The following NEDD4L variants were observed in gnomAD, a reference collection of about 807,000 sequenced individuals.
NEDD4L encodes NEDD4 like E3 ubiquitin protein ligase.
A neutral mutation model predicts 148.9 loss-of-function variants in NEDD4L; 54 were observed. The observed-to-expected ratio is 0.36, with a 90% CI of 0.29 to 0.45. The LOEUF is 0.45. NEDD4L is among the 20% of genes least tolerant of loss of function. The pLI is 1.00. For synonymous variants in NEDD4L, 433 were observed against 440.7 expected, an observed-to-expected ratio of 0.98 and a Z score of 0.22; for missense variants, 856 against 1,233.8, an observed-to-expected ratio of 0.69 and a Z score of 4.59.
Position 58,156,720 on chromosome 18 carries a change from G to A in NEDD4L, c.49-9068G>A, listed in dbSNP as rs544773769. Among the ~76,000 whole-genome samples, 6 of 152,206 alleles carry A rather than the reference G, an allele frequency of 3.9e-5. No homozygotes were observed. In the East Asian group the frequency reaches 5.8e-4, roughly 15 times the overall value. ...CCGTGTTTGACCTGGGTTAATGACC[G>A]CCAGTTCCTTTCCCTTAATACGACT... On this transcript the variant is annotated intron_variant, in intron 1 of 30. Coordinates refer to ENST00000400345, the MANE Select transcript of NEDD4L (RefSeq NM_001144967.3).
intron 1 of NEDD4L, among the ~76,000 whole-genome samples, chr18:58,150,447 A>C (rs1005607360): frequency 6.6e-6 from 1 of 152,162 alleles, no homozygotes; most frequent in African/African-American, 2.4e-5. Context: ...GCTGGTCTCG[A>C]GCTCCCGACC....
At chr18:58,054,295 G>A (rs1309800668) in intron 1 of NEDD4L, among the ~76,000 whole-genome samples, 1 of 152,218 alleles carries the variant, frequency 6.6e-6, no homozygotes, top group Non-Finnish European at 1.5e-5. Flanking sequence ...ATGGGACTTT[G>A]TGGAGAATCT....
intron 1 of NEDD4L, among the ~76,000 whole-genome samples, chr18:58,103,667 A>G (rs2084904160): frequency 6.6e-6 from 1 of 152,218 alleles, no homozygotes; most frequent in African/African-American, 2.4e-5. Context: ...ATCGAGAGGG[A>G]ATTGGTGAAC....
At chr18:58,308,769 T>G (rs1263625253) in intron 5 of NEDD4L, among the ~76,000 whole-genome samples, 1 of 152,218 alleles carries the variant, frequency 6.6e-6, no homozygotes, top group African/African-American at 2.4e-5. Flanking sequence ...CCTCCACTTT[T>G]GCTTTGTGTC....
intron 24 of NEDD4L, among the ~76,000 whole-genome samples, chr18:58,381,482 T>A (rs960193224): frequency 1.3e-5 from 2 of 151,816 alleles, no homozygotes; most frequent in African/African-American, 2.4e-5. Flanking sequence ...CTGGAAGGAG[T>A]GTATTACAGG....
chr18:58,332,792 G>A (rs958913195), intron 11 of NEDD4L, among the ~76,000 whole-genome samples: 5 of 152,166 alleles, frequency 3.3e-5, no homozygotes, highest in East Asian at 1.9e-4. Context: ...TGAACTTGCC[G>A]ATAAGGAGAC....
intron 5 of NEDD4L, among the ~76,000 whole-genome samples, chr18:58,270,837 G>C (rs188113333): frequency 6.6e-6 from 1 of 152,024 alleles, no homozygotes; most frequent in Admixed American, 6.5e-5. Flanking sequence ...AAGCTCACTA[G>C]CATTGTTTAT....
chr18:58,379,125 G>A (rs1431919576), intron 24 of NEDD4L, among the ~76,000 whole-genome samples: 1 of 152,234 alleles, frequency 6.6e-6, no homozygotes, highest in Non-Finnish European at 1.5e-5. Context: ...TGTGCGTTTC[G>A]TGGCTGAAGG....
chr18:58,186,752 C>T (rs566926354), intron 2 of NEDD4L, among the ~76,000 whole-genome samples: 1 of 152,332 alleles, frequency 6.6e-6, no homozygotes, highest in Non-Finnish European at 1.5e-5. Context: ...TTCCGGTATG[C>T]TTGCATAGAC....
chr18:58,164,035 C>CTT (rs34380629), intron 1 of NEDD4L, among the ~76,000 whole-genome samples: 72 of 142,336 alleles, frequency 5.1e-4, no homozygotes, highest in African/African-American at 1.2e-3. Context: ...CATCCTGAGC[C>CTT]TTTTTTTTTT....
intron 2 of NEDD4L, chr18:58,221,486 C>T (rs745985291): frequency 3.9e-5 from 36 of 932,300 alleles, no homozygotes; most frequent in Non-Finnish European, 4.5e-5. Flanking sequence ...TGACGCAACC[C>T]CCTTTTCCAC....
intron 1 of NEDD4L, among the ~76,000 whole-genome samples, chr18:58,138,122 C>T (rs1039659399): frequency 6.6e-6 from 1 of 152,194 alleles, no homozygotes; most frequent in African/African-American, 2.4e-5. Flanking sequence ...TCTTTGATGG[C>T]TCCTCTCTTT....
At chr18:58,095,455 G>C (rs1599235925) in intron 1 of NEDD4L, among the ~76,000 whole-genome samples, 1 of 122,548 alleles carries the variant, frequency 8.2e-6, no homozygotes, top group African/African-American at 3.8e-5. Context: ...CACCGCGTGG[G>C]GAGTAATTGG....
intron 11 of NEDD4L, among the ~76,000 whole-genome samples, chr18:58,331,836 GT>G (rs764674185): frequency 2.0e-5 from 3 of 152,074 alleles, no homozygotes; most frequent in Non-Finnish European, 4.4e-5. Flanking sequence ...TCACAAAATT[GT>G]TACTTTTTGG....
At chr18:58,258,308 G>A (rs2048872086) in intron 5 of NEDD4L, among the ~76,000 whole-genome samples, 1 of 152,156 alleles carries the variant, frequency 6.6e-6, no homozygotes, top group African/African-American at 2.4e-5. Context: ...GCTTTGTTCG[G>A]CAACACAATT....
At chr18:58,257,921 G>A (rs2048823028) in intron 5 of NEDD4L, among the ~76,000 whole-genome samples, 1 of 152,108 alleles carries the variant, frequency 6.6e-6, no homozygotes. Flanking sequence ...CTTTTCTTTG[G>A]ATTTCACTTA....
intron 16 of NEDD4L, among the ~76,000 whole-genome samples, chr18:58,344,657 G>A (rs2042825351): frequency 6.6e-6 from 1 of 152,202 alleles, no homozygotes; most frequent in South Asian, 2.1e-4. Context: ...TAATGTTACA[G>A]ATTTGCAAGC....
intron 1 of NEDD4L, among the ~76,000 whole-genome samples, chr18:58,128,474 T>A (rs1294396386): frequency 6.6e-6 from 1 of 152,174 alleles, no homozygotes. Context: ...CTGAGTCAAT[T>A]ATACAGGCAT....
intron 2 of NEDD4L, among the ~76,000 whole-genome samples, chr18:58,180,541 T>A (rs976877475): frequency 1.3e-5 from 2 of 152,180 alleles, no homozygotes; most frequent in Non-Finnish European, 2.9e-5. Context: ...CTTCTGCCCC[T>A]CCTTGGCTCT....
Sources: gnomAD v4.1 joint callset for allele counts (sites outside exome capture counted in the v4.1 genomes callset) on GRCh38, gnomAD v4.1.1 for gene constraint, MANE v1.5 for transcripts, NCBI Gene and HGNC (gene_info 2026-07-23, HGNC 2026-07-21) for gene names.